The following SHISA9 variants were observed in gnomAD, a reference collection of about 807,000 sequenced individuals.
The protein encoded by SHISA9 is shisa family member 9, also known as protein shisa-9.
A neutral mutation model predicts 38.0 loss-of-function variants in SHISA9; 13 were observed. The ratio of observed to expected loss-of-function variants is 0.34; its 90% CI spans 0.22 to 0.54. The LOEUF (loss-of-function observed/expected upper bound fraction) is 0.54. SHISA9 is among the 20% of genes least tolerant of loss of function. The pLI is 0.91. For missense variants in SHISA9, 538 were observed against 575.8 expected (o/e 0.93, Z 0.67); for synonymous variants, 275 against 242.0 (o/e 1.14, Z -1.27).
intron 4 of SHISA9, among the ~76,000 whole-genome samples, chr16:13,226,949 G>C (rs1226011475): frequency 2.0e-5 from 3 of 152,208 alleles, no homozygotes; most frequent in Non-Finnish European, 4.4e-5. Context: ...TGGGGAAATA[G>C]ATTCCACTTC....
chr16:13,043,770 A>C (rs1596607880), intron 2 of SHISA9, among the ~76,000 whole-genome samples: 1 of 110,376 alleles, frequency 9.1e-6, no homozygotes, highest in Admixed American at 8.2e-5. Flanking sequence ...GCTTAGATTT[A>C]TTGACATTTT....
At chr16:13,366,169 C>G in the SHISA9 span, among the ~76,000 whole-genome samples, 1 of 152,094 alleles carries the variant, frequency 6.6e-6, no homozygotes, top group Non-Finnish European at 1.5e-5. Flanking sequence ...GATCTGTGGA[C>G]AAAATATCCA....
At chr16:13,074,476 A>G (rs1465304016) in intron 2 of SHISA9, among the ~76,000 whole-genome samples, 2 of 152,108 alleles carry the variant, frequency 1.3e-5, no homozygotes, top group Non-Finnish European at 1.5e-5. Flanking sequence ...GTTTCTATGC[A>G]CACTAAAAAT....
At chr16:13,476,120 A>G in the SHISA9 span, among the ~76,000 whole-genome samples, 1 of 152,098 alleles carries the variant, frequency 6.6e-6, no homozygotes, top group Non-Finnish European at 1.5e-5. Context: ...CCCAGTAAAC[A>G]TAGAAATTGA....
chr16:13,198,148 G>A (rs2050966555), intron 2 of SHISA9, among the ~76,000 whole-genome samples: 1 of 151,962 alleles, frequency 6.6e-6, no homozygotes, highest in Non-Finnish European at 1.5e-5. Context: ...CCACTCCACT[G>A]CACTCCAGTC....
At chr16:13,446,995 A>T in the SHISA9 span, among the ~76,000 whole-genome samples, 1 of 151,932 alleles carries the variant, frequency 6.6e-6, no homozygotes, top group African/African-American at 2.4e-5. Context: ...AGAAAAAAAA[A>T]AAAGTGAAAG....
chr16:13,048,796 T>C (rs1454320876), intron 2 of SHISA9, among the ~76,000 whole-genome samples: 1 of 152,220 alleles, frequency 6.6e-6, no homozygotes, highest in Non-Finnish European at 1.5e-5. Flanking sequence ...AAGACAAGCT[T>C]TGGACTTCAA....
chr16:13,243,240 C>CA (rs112827362), downstream of SHISA9, among the ~76,000 whole-genome samples: 463 of 126,320 alleles, frequency 3.7e-3, 7 homozygotes, highest in East Asian at 0.065. Context: ...GACTCTGTCT[C>CA]AAAAAAAAAA....
chr16:13,554,547 A>G, the SHISA9 span, among the ~76,000 whole-genome samples: 2 of 141,718 alleles, frequency 1.4e-5, no homozygotes, highest in African/African-American at 5.3e-5. Flanking sequence ...CCTGGAGTAC[A>G]GTAGTTCAAT....
chr16:13,294,966 T>G, the SHISA9 span, among the ~76,000 whole-genome samples: 145 of 152,314 alleles, frequency 9.5e-4, no homozygotes, highest in African/African-American at 3.4e-3. Flanking sequence ...CATTAATTCA[T>G]TTAACCCTTA....
At chr16:13,220,175 G>A (rs2051209353) in intron 4 of SHISA9, among the ~76,000 whole-genome samples, 1 of 152,162 alleles carries the variant, frequency 6.6e-6, no homozygotes, top group Admixed American at 6.5e-5. Flanking sequence ...CAGCTGATGT[G>A]GGAGGTTCTT....
the SHISA9 span, among the ~76,000 whole-genome samples, chr16:13,394,926 G>GA: frequency 3.5e-5 from 4 of 115,578 alleles, no homozygotes; most frequent in East Asian, 9.8e-4. Flanking sequence ...AGCAGTATCT[G>GA]GGGTGTGTGT....
At chr16:13,361,626 A>G in the SHISA9 span, among the ~76,000 whole-genome samples, 7 of 152,226 alleles carry the variant, frequency 4.6e-5, no homozygotes, top group Non-Finnish European at 1.0e-4. Context: ...CATGGGGACT[A>G]AAACATGAAT....
At chr16:13,460,003 G>A in the SHISA9 span, among the ~76,000 whole-genome samples, 1 of 152,062 alleles carries the variant, frequency 6.6e-6, no homozygotes, top group African/African-American at 2.4e-5. Context: ...TGCCTCCCAG[G>A]CTCAAGTGAT....
At chr16:13,028,514 T>C (rs1027124413) in intron 2 of SHISA9, among the ~76,000 whole-genome samples, 1 of 152,160 alleles carries the variant, frequency 6.6e-6, no homozygotes, top group African/African-American at 2.4e-5. Context: ...GGGAGACCCC[T>C]TATAAAACCA....
chr16:13,180,543 A>T lies in SHISA9; in HGVS notation c.692-22851A>T, dbSNP rs551785234. ...TGAGACCTTGTGTCTATAAAAAATT[A>T]AAAAATTAGCTGGGCAGGGTGGCAT... On this transcript the variant is annotated intron_variant, in intron 2 of 4. Transcript: ENST00000558583. Among the ~76,000 whole-genome samples the T allele has an allele frequency of 3.9e-5, 6 of 152,284 alleles. No individual in the cohort carries two copies. In the East Asian group the frequency reaches 1.2e-3, roughly 29 times the overall value.
chr16:12,940,569 A>G (rs565365046), intron 2 of SHISA9, among the ~76,000 whole-genome samples: 1 of 152,320 alleles, frequency 6.6e-6, no homozygotes, highest in East Asian at 1.9e-4. Context: ...CAGAAGCTGC[A>G]TTAGAGAAAA....
the SHISA9 span, among the ~76,000 whole-genome samples, chr16:13,290,865 G>A: frequency 2.2e-4 from 33 of 152,220 alleles, no homozygotes; most frequent in East Asian, 3.3e-3. Context: ...CATTTTACTC[G>A]CTTATAAACA....
the SHISA9 span, among the ~76,000 whole-genome samples, chr16:13,367,744 A>ACACACC: frequency 1.4e-5 from 2 of 147,110 alleles, no homozygotes; most frequent in African/African-American, 5.3e-5. Context: ...ACACACACAC[A>ACACACC]CACACCCCTG....
Sources: allele counts gnomAD v4.1 joint callset (sites outside exome capture counted in the v4.1 genomes callset), GRCh38; gene constraint gnomAD v4.1.1; transcripts MANE v1.5; gene names NCBI Gene and HGNC (gene_info 2026-07-23, HGNC 2026-07-21).